PMCH: variants seen among roughly 807,000 people sequenced by gnomAD.
The protein encoded by PMCH is pro-melanin concentrating hormone, also known as pro-MCH.
PMCH carries 8 observed loss-of-function variants against 15.9 expected under a neutral mutation model. The observed-to-expected ratio is 0.50, with a 90% confidence interval of 0.29 to 0.91. The LOEUF (loss-of-function observed/expected upper bound fraction) is 0.91, where lower values mean the gene tolerates loss of function less well. Ranked by LOEUF, PMCH falls within the 40% of genes least tolerant of loss-of-function variation. The pLI is 0.07. For synonymous variants in PMCH, 73 were observed against 63.8 expected, an observed-to-expected ratio of 1.14 and a Z score of -0.69; for missense variants, 169 against 185.7, an observed-to-expected ratio of 0.91 and a Z score of 0.52.
chr12:102,197,467 G>C, intron 1 of PMCH, 55 bp downstream of exon 1: 1 of 1,486,592 alleles, frequency 6.7e-7, no homozygotes, highest in Non-Finnish European at 9.1e-7. Flanking sequence ...CAGAGGATTT[G>C]TAAGAATCAT....
At chr12:102,197,392 C>T (rs1395045496) in intron 1 of PMCH, 130 bp downstream of exon 1, 2 of 882,456 alleles carry the variant, frequency 2.3e-6, no homozygotes, top group South Asian at 1.7e-5. Context: ...TATCGTCAGT[C>T]GTCCTAATGC....
At chr12:102,197,468 T>C in intron 1 of PMCH, 54 bp downstream of exon 1, 1 of 1,493,652 alleles carries the variant, frequency 6.7e-7, no homozygotes, top group Non-Finnish European at 9.0e-7. Context: ...AGAGGATTTG[T>C]AAGAATCATT....
rs573802792 is a variant in PMCH at position 102,197,393 on chromosome 12, G to A, written c.249+129C>T. 3.7e-5 allele frequency: 33 copies of A among 893,028 alleles called. No homozygotes were observed. The African/African-American group carries it at 4.0e-4, about 11-fold the overall frequency. 55.3% of individuals were successfully genotyped at this position (893,028 alleles called of 1,614,324 possible). On this transcript the variant is annotated intron_variant, in intron 1 of 2. Coordinates refer to ENST00000329406, the MANE Select transcript of PMCH (RefSeq NM_002674.4). ...TGGCATGTAAGAAATATCGTCAGTCGTCCTAATGCATATTGTGACTGTTTG... is the reference window on the plus strand; with the variant it reads ...TGGCATGTAAGAAATATCGTCAGTCATCCTAATGCATATTGTGACTGTTTG...
Position 102,197,580 on chromosome 12 carries a change from TC to T in PMCH, c.190del (p.Glu64AsnfsTer11). The part of the protein sequence containing the change: ...AEKSVIAPSL[E>X]QYKNDESSFM... ...ACTGCTCTCATCATTTTTATATTGT[TC>T]CAGGGAAGGAGCAATAACTGATTTT... On this transcript the variant is annotated frameshift_variant, in exon 1 of 3. Coordinates refer to ENST00000329406, the MANE Select transcript of PMCH (RefSeq NM_002674.4). LOFTEE classifies it high-confidence loss of function. 1.2e-6 allele frequency: 2 copies of T among 1,611,592 alleles called. No homozygotes were observed. Among genetic ancestry groups the T allele is most frequent in the Non-Finnish European group, 1.7e-6 (2 of 1,178,276 alleles).
intron 2 of PMCH, 45 bp downstream of exon 2, chr12:102,196,928 A>C (rs1428156929): frequency 6.8e-7 from 1 of 1,471,088 alleles, no homozygotes; most frequent in Admixed American, 1.7e-5. Flanking sequence ...AGTTCTGTTT[A>C]ATGGTGGTAG....
chr12:102,196,587 TCTC>T lies in PMCH; in HGVS notation c.*62_*64del. The T allele has an allele frequency of 8.8e-7, 1 of 1,133,836 alleles. No individual in the cohort carries two copies. Among genetic ancestry groups the T allele is most frequent in the Non-Finnish European group, 1.3e-6 (1 of 742,798 alleles). 70.2% of individuals were successfully genotyped at this position (1,133,836 alleles called of 1,614,324 possible). A position where few individuals can be genotyped will look rare whatever the true frequency, so the allele number is the denominator to read the frequency against. On this transcript the variant is annotated 3_prime_UTR_variant, in exon 3 of 3. Transcript: ENST00000329406. ...ACAAGTTATAGTAGCAGTATGGGCT[TCTC>T]CTCCCATTGGCAATTAAATGCTTTT...
At chr12:102,197,214 G>A in intron 1 of PMCH, 43 bp from the exon 2 acceptor site, 1 of 1,383,422 alleles carries the variant, frequency 7.2e-7, no homozygotes, top group South Asian at 1.2e-5. Context: ...ATCGTATTCG[G>A]AGTGGAACTA....
rs747944968 is a variant in PMCH at position 102,197,787 on chromosome 12, G to A, written c.-17C>T. 6.5e-7 allele frequency: 1 copy of A among 1,538,932 alleles called. No individual in the cohort carries two copies. Among genetic ancestry groups the A allele is most frequent in the East Asian group, 2.3e-5 (1 of 43,426 alleles). ...TTTTGCCATTCTTAGTTTGATGTTT[G>A]CATACAGTCAAACAAGAAAGAAAAT... On this transcript the variant is annotated 5_prime_UTR_variant, in exon 1 of 3. It introduces an in-frame stop codon into an upstream open reading frame of the 5' UTR. Coordinates refer to ENST00000329406, the MANE Select transcript of PMCH (RefSeq NM_002674.4).
At position 102,197,089 on chromosome 12, in the gene PMCH, G is replaced by A. The variant is rs780139611; in HGVS notation, c.332C>T (p.Ser111Phe). ...TCCATTCTCAGCTGGGAAAGCTACAGATCCTTTTAGTGCAAGATAAGGTTT... is the reference window on the plus strand; with the variant it reads ...TCCATTCTCAGCTGGGAAAGCTACAAATCCTTTTAGTGCAAGATAAGGTTT... ...AIKPYLALKG[S>F]VAFPAENGVQ... Residue 111 changes from serine to phenylalanine, a missense_variant, in exon 2 of 3, where the codon TCT (serine) becomes TTT (phenylalanine). By Grantham distance (155) the Ser-to-Phe change is radical. Transcript: ENST00000329406. 8 of 1,611,824 alleles carry A rather than the reference G, an allele frequency of 5.0e-6. No individual in the cohort carries two copies. In the African/African-American group the frequency reaches 1.1e-4, roughly 22 times the overall value.
chr12:102,197,235 G>A (rs980443900), intron 1 of PMCH, 64 bp from the exon 2 acceptor site: 6 of 1,252,972 alleles, frequency 4.8e-6, no homozygotes, highest in Admixed American at 1.9e-5. Context: ...TAATACAATT[G>A]TATAATATTC....
chr12:102,197,226 A>T, intron 1 of PMCH, 55 bp from the exon 2 acceptor site: 6 of 1,281,802 alleles, frequency 4.7e-6, no homozygotes, highest in Non-Finnish European at 6.7e-6. Context: ...GTGGAACTAT[A>T]ATACAATTGT....
chr12:102,197,305 G>A lies in PMCH; in HGVS notation c.250-134C>T, dbSNP rs557836462. The A allele has an allele frequency of 1.5e-5, 13 of 864,438 alleles. No individual in the cohort carries two copies. The East Asian group carries it at 3.4e-4, about 23-fold the overall frequency. The allele number at this position is 864,438 out of a possible 1,614,324, so 53.5% of individuals were successfully genotyped here. ...TTGACTTTTTAAAAATACCTTAGAT[G>A]CAAATTTATAGGAGAAAAAACACTT... On this transcript the variant is annotated intron_variant, in intron 1 of 2. Coordinates refer to ENST00000329406, the MANE Select transcript of PMCH (RefSeq NM_002674.4).
chr12:102,197,666 A>G lies in PMCH; in HGVS notation c.105T>C (p.Asp35=). 6.2e-7 allele frequency: 1 copy of G among 1,612,052 alleles called. No homozygotes were observed. The highest frequency in any genetic ancestry group is 2.2e-5 in the East Asian group (1 of 44,774). ...SASKSIRNLD[D]DMVFNTFRLG... is the part of the protein sequence containing the mutation. Reference sequence around the variant, plus strand: ...ACCTGAATGTATTAAATACCATGTCATCATCTAAATTTCTTATGGACTTGG... The same window carrying G: ...ACCTGAATGTATTAAATACCATGTCGTCATCTAAATTTCTTATGGACTTGG... Residue 35 remains aspartate, a synonymous_variant, in exon 1 of 3, where the codon GAT becomes GAC. Coordinates refer to ENST00000329406, the MANE Select transcript of PMCH (RefSeq NM_002674.4).
At chr12:102,196,935 G>T in intron 2 of PMCH, 38 bp downstream of exon 2, 1 of 1,492,738 alleles carries the variant, frequency 6.7e-7, no homozygotes, top group Non-Finnish European at 9.3e-7. Flanking sequence ...TTTAATGGTG[G>T]TAGGATGTAA....
intron 1 of PMCH, 141 bp downstream of exon 1, chr12:102,197,381 A>G (rs1891408153): frequency 1.2e-6 from 1 of 860,184 alleles, no homozygotes; most frequent in Admixed American, 2.6e-5. Flanking sequence ...CATGTAAGAA[A>G]TATCGTCAGT....
chr12:102,197,004 A>G lies in PMCH; in HGVS notation c.417T>C (p.Ala139=). The G allele has an allele frequency of 6.2e-7, 1 of 1,611,794 alleles. No individual in the cohort carries two copies. Among genetic ancestry groups the G allele is most frequent in the Non-Finnish European group, 8.5e-7 (1 of 1,178,486 alleles). ...AATCTCTCCTTCCTATAGGAAATTT[A>G]GCTGAGTTTTCTTCATCCCCAATTT... The part of the protein sequence containing the change: ...KREIGDEENS[A]KFPIGRRDFD... Residue 139 remains alanine, a synonymous_variant, in exon 2 of 3, where the codon GCT becomes GCC. Coordinates refer to ENST00000329406, the MANE Select transcript of PMCH (RefSeq NM_002674.4).
chr12:102,196,717 A>G lies in PMCH; in HGVS notation c.449-16T>C, dbSNP rs761407744. On this transcript the variant is annotated splice_polypyrimidine_tract_variant and intron_variant, in intron 2 of 2. Transcript: ENST00000329406. ...CATCTGAGCACTGAAGGAAGAAGAA[A>G]GTTTAAATTGTTTAAAGGACTATAA... 16 of 1,598,332 alleles carry G rather than the reference A, an allele frequency of 1.0e-5. No individual in the cohort carries two copies. The highest frequency in any genetic ancestry group is 1.4e-5 in the Non-Finnish European group (16 of 1,166,918).
chr12:102,196,548 G>A lies in PMCH; in HGVS notation c.*104C>T, dbSNP rs1370094996. ...CTTAACACTACTTTCTTTTAAAACA[G>A]ACATTTAACATACACAAGTTATAGT... On this transcript the variant is annotated 3_prime_UTR_variant, in exon 3 of 3. Coordinates refer to ENST00000329406, the MANE Select transcript of PMCH (RefSeq NM_002674.4). 2 of 866,790 alleles carry A rather than the reference G, an allele frequency of 2.3e-6. No homozygotes were observed. Among genetic ancestry groups the A allele is most frequent in the South Asian group, 1.4e-5 (1 of 71,856 alleles). The allele number at this position is 866,790 out of a possible 1,614,324, so 53.7% of individuals were successfully genotyped here. A position where few individuals can be genotyped will look rare whatever the true frequency, so the allele number is the denominator to read the frequency against.
rs543750968 is a variant in PMCH at position 102,197,385 on chromosome 12, C to T, written c.249+137G>A. 9.3e-6 allele frequency: 8 copies of T among 859,498 alleles called. No homozygotes were observed. In the South Asian group the frequency reaches 1.2e-4, roughly 13 times the overall value. 53.2% of individuals were successfully genotyped at this position (859,498 alleles called of 1,614,324 possible). A position where few individuals can be genotyped will look rare whatever the true frequency, so the allele number is the denominator to read the frequency against. On this transcript the variant is annotated intron_variant, in intron 1 of 2. Transcript: ENST00000329406. Reference sequence around the variant, plus strand: ...GAACTACCTGGCATGTAAGAAATATCGTCAGTCGTCCTAATGCATATTGTG... The same window carrying T: ...GAACTACCTGGCATGTAAGAAATATTGTCAGTCGTCCTAATGCATATTGTG...
Sources: allele counts gnomAD v4.1 joint callset, GRCh38; gene constraint gnomAD v4.1.1; transcripts MANE v1.5; gene names NCBI Gene and HGNC (gene_info 2026-07-23, HGNC 2026-07-21).